The following DPYD variants were observed in gnomAD, a reference collection of about 807,000 sequenced individuals.
DPYD encodes dihydropyrimidine dehydrogenase.
Under a neutral mutation model 116.2 loss-of-function variants are expected in DPYD, and 109 were observed. That is an observed-to-expected ratio of 0.94 (90% confidence interval 0.80 to 1.10). The LOEUF is 1.10. Ranked by LOEUF, DPYD falls within the 50% of genes least tolerant of loss-of-function variation. The pLI, the probability that DPYD is intolerant of heterozygous loss-of-function variation, is 0.00. For missense variants in DPYD, 1,302 were observed against 1,254.5 expected, an observed-to-expected ratio of 1.04 and a Z score of -0.57; for synonymous variants, 440 against 432.0, an observed-to-expected ratio of 1.02 and a Z score of -0.23.
At chr1:97,631,234 T>C (rs1484069096) in intron 8 of DPYD, among the ~76,000 whole-genome samples, 1 of 151,738 alleles carries the variant, frequency 6.6e-6, no homozygotes, top group African/African-American at 2.4e-5. Context: ...CCAAAAGGAG[T>C]GATGGCTGCA....
intron 8 of DPYD, among the ~76,000 whole-genome samples, chr1:97,620,816 T>A (rs1656589169): frequency 6.6e-6 from 1 of 152,168 alleles, no homozygotes; most frequent in Non-Finnish European, 1.5e-5. Context: ...TCTGGTTCCA[T>A]TTTGATAATC....
At chr1:97,335,533 TG>T (rs1669243638) in intron 16 of DPYD, among the ~76,000 whole-genome samples, 1 of 151,014 alleles carries the variant, frequency 6.6e-6, no homozygotes, top group Non-Finnish European at 1.5e-5. Context: ...GATAATGCTG[TG>T]TTTCTCCATG....
At chr1:97,668,477 C>T (rs1197487101) in intron 8 of DPYD, among the ~76,000 whole-genome samples, 1 of 151,996 alleles carries the variant, frequency 6.6e-6, no homozygotes, top group Non-Finnish European at 1.5e-5. Context: ...TATTTATATG[C>T]ACAAAGTTCT....
At chr1:97,709,101 C>G (rs572712343) in intron 5 of DPYD, among the ~76,000 whole-genome samples, 8 of 151,918 alleles carry the variant, frequency 5.3e-5, no homozygotes, top group Non-Finnish European at 1.2e-4. Flanking sequence ...TCTTCCTTCT[C>G]TGTATACATT....
intron 3 of DPYD, chr1:97,797,525 T>C (rs1241843464): frequency 6.6e-6 from 1 of 152,018 alleles, no homozygotes; most frequent in Non-Finnish European, 1.5e-5. Context: ...CATGACATCA[T>C]AAGAAGTCCT....
At chr1:97,334,315 T>G (rs1488709688) in intron 16 of DPYD, among the ~76,000 whole-genome samples, 2 of 152,202 alleles carry the variant, frequency 1.3e-5, no homozygotes, top group Non-Finnish European at 2.9e-5. Context: ...GACAGTAAAA[T>G]GCCTAAAAAC....
intron 16 of DPYD, among the ~76,000 whole-genome samples, chr1:97,331,489 AC>A (rs990683272): frequency 3.8e-4 from 57 of 151,426 alleles, no homozygotes; most frequent in African/African-American, 6.1e-4. Flanking sequence ...CAAACAAACA[AC>A]CCCCCTGCCA....
At chr1:97,847,571 G>A (rs1670366903) in intron 2 of DPYD, among the ~76,000 whole-genome samples, 1 of 152,068 alleles carries the variant, frequency 6.6e-6, no homozygotes, top group African/African-American at 2.4e-5. Context: ...GGGACTCAAT[G>A]GAGCCTGACT....
intron 20 of DPYD, among the ~76,000 whole-genome samples, chr1:97,147,157 G>A (rs1305625388): frequency 3.3e-5 from 5 of 152,160 alleles, no homozygotes; most frequent in African/African-American, 9.7e-5. Flanking sequence ...AGACCATCCT[G>A]GCCAACATGG....
chr1:97,453,131 C>G (rs949010150), intron 13 of DPYD, among the ~76,000 whole-genome samples: 2 of 152,044 alleles, frequency 1.3e-5, no homozygotes, highest in African/African-American at 2.4e-5. Flanking sequence ...GGCCTTCTCA[C>G]GCAGCCTACT....
At chr1:97,310,008 A>G (rs535354067) in intron 16 of DPYD, among the ~76,000 whole-genome samples, 1 of 151,828 alleles carries the variant, frequency 6.6e-6, no homozygotes, top group East Asian at 2.0e-4. Context: ...GCAAAGGAAT[A>G]AGCACTACAG....
intron 8 of DPYD, among the ~76,000 whole-genome samples, chr1:97,607,817 A>G (rs531892676): frequency 6.6e-6 from 1 of 152,060 alleles, no homozygotes; most frequent in African/African-American, 2.4e-5. Context: ...CACTATGTAC[A>G]CTGTAAAGCA....
At chr1:97,813,077 G>A (rs1408621973) in intron 3 of DPYD, among the ~76,000 whole-genome samples, 2 of 152,132 alleles carry the variant, frequency 1.3e-5, no homozygotes, top group Admixed American at 6.5e-5. Context: ...CTTTCAGACT[G>A]CAGTTAATGG....
At chr1:97,549,230 C>G (rs148324048) in intron 12 of DPYD, among the ~76,000 whole-genome samples, 14 of 152,142 alleles carry the variant, frequency 9.2e-5, no homozygotes, top group African/African-American at 3.1e-4. Context: ...CCATGCCCAT[C>G]TAATTTTTTA....
chr1:97,676,489 C>A (rs182020858), intron 8 of DPYD, among the ~76,000 whole-genome samples: 45 of 152,304 alleles, frequency 3.0e-4, no homozygotes, highest in Non-Finnish European at 6.0e-4. Context: ...TACATTGTTA[C>A]ATGAGAAAGA....
chr1:97,899,656 G>T lies in DPYD; in HGVS notation c.40-16282C>A, dbSNP rs559994516. Among the ~76,000 whole-genome samples, 2 of 151,790 alleles carry T rather than the reference G, an allele frequency of 1.3e-5. 1 individual carries two copies. Among genetic ancestry groups the T allele is most frequent in the South Asian group, 4.1e-4 (2 of 4,820 alleles). On this transcript the variant is annotated intron_variant, in intron 1 of 22. Coordinates refer to ENST00000370192, the MANE Select transcript of DPYD (RefSeq NM_000110.4). ...ACTCTAGTGGCCACTCCTTCACATG[G>T]CTTAATTTTATAGAGCACCTGGACA...
intron 13 of DPYD, among the ~76,000 whole-genome samples, chr1:97,514,832 T>C (rs569587776): frequency 1.1e-4 from 17 of 151,962 alleles, no homozygotes; most frequent in Non-Finnish European, 2.1e-4. Context: ...ATGCCAGCTA[T>C]TGATCCTAGT....
intron 10 of DPYD, among the ~76,000 whole-genome samples, 186 bp downstream of exon 10, chr1:97,593,026 TACCCAA>T (rs773981220): frequency 6.6e-6 from 1 of 152,238 alleles, no homozygotes; most frequent in Non-Finnish European, 1.5e-5. Context: ...TTTCTCATTT[TACCCAA>T]ATCAGTATTA....
chr1:97,439,107 CA>C (rs1183837422), intron 14 of DPYD, among the ~76,000 whole-genome samples: 1 of 151,890 alleles, frequency 6.6e-6, no homozygotes, highest in African/African-American at 2.4e-5. Context: ...TTAATTTCTT[CA>C]AATTTTTTTT....
Sources: allele counts gnomAD v4.1 joint callset (sites outside exome capture counted in the v4.1 genomes callset), GRCh38; gene constraint gnomAD v4.1.1; transcripts MANE v1.5; gene names NCBI Gene and HGNC (gene_info 2026-07-23, HGNC 2026-07-21).